HGH1: variants seen among roughly 807,000 people sequenced by gnomAD.
The protein encoded by HGH1 is co-chaperone protein HGH1 homolog.
In HGH1, 31 loss-of-function variants were observed where a neutral mutation model predicts 31.7. The ratio of observed to expected loss-of-function variants is 0.98; its 90% CI spans 0.73 to 1.32. The LOEUF is 1.32. Ranked by LOEUF, HGH1 falls within the 40% of genes most tolerant of loss-of-function variation. The probability of loss-of-function intolerance (pLI) is 0.00; values close to 1 mark genes in which losing one functional copy is unlikely to be tolerated. For synonymous variants in HGH1, 284 were observed against 293.6 expected (o/e 0.97, Z 0.34); for missense variants, 618 against 594.4 (o/e 1.04, Z -0.41).
Position 144,137,890 on chromosome 8 carries a change from G to A in HGH1, c.55G>A (p.Glu19Lys). The A allele has an allele frequency of 2.3e-6, 3 of 1,306,652 alleles. No homozygotes were observed. The highest frequency in any genetic ancestry group is 2.9e-6 in the Non-Finnish European group (3 of 1,031,724). The allele number at this position is 1,306,652 out of a possible 1,614,324, so 80.9% of individuals were successfully genotyped here. The change falls in exon 1 of 6, where the codon GAG becomes AAG. Residue 19 changes from glutamate (E) to lysine (K), a missense_variant. By Grantham distance (56) the Glu-to-Lys change is moderately conservative (BLOSUM62 1). Coordinates refer to ENST00000347708, the MANE Select transcript of HGH1 (RefSeq NM_016458.4). ...GASGGPEASP[E>K]AEVVKLLPFL... ...CTCGGGAGGGCCGGAGGCAAGCCCG[G>A]AGGCAGAGGTGGTGAAGCTGCTGCC... is the stretch of plus-strand genomic sequence containing the variant.
chr8:144,138,039 G>A lies in HGH1; in HGVS notation c.204G>A (p.Leu68=). The A allele has an allele frequency of 7.7e-7, 1 of 1,305,482 alleles. No individual in the cohort carries two copies. Among genetic ancestry groups the A allele is most frequent in the Non-Finnish European group, 9.8e-7 (1 of 1,025,306 alleles). 80.9% of individuals were successfully genotyped at this position (1,305,482 alleles called of 1,614,324 possible). A position where few individuals can be genotyped will look rare whatever the true frequency, so the allele number is the denominator to read the frequency against. The stretch of plus-strand genomic sequence containing the variant: ...GGCAGGCGGCGCTGCTGCAGGCGCT[G>A]ATGGAGCTGGCGCCGGCCTCTGCCC... ...LAGQAALLQA[L]MELAPASAPA... The change falls in exon 1 of 6, where the codon CTG becomes CTA. Residue 68 remains leucine (L), a synonymous_variant. Coordinates refer to ENST00000347708, the MANE Select transcript of HGH1 (RefSeq NM_016458.4).
chr8:144,139,365 C>T, intron 5 of HGH1, 23 bp from the exon 6 acceptor site: 3 of 1,613,862 alleles, frequency 1.9e-6, no homozygotes, highest in Non-Finnish European at 2.5e-6. Flanking sequence ...TGGCCAGCTG[C>T]TCACCTGCTT....
In HGH1 at chr8:144,138,734, T is replaced by C. The variant is rs772092830; in HGVS notation, c.714T>C (p.Leu238=). Residue 238 remains leucine (L), a synonymous_variant, in exon 3 of 6, where the codon CTT becomes CTC. Transcript: ENST00000347708. The part of the protein sequence containing the change: ...CFEHRHHEWL[L]GPEVDILPFL... The stretch of plus-strand genomic sequence containing the variant: ...CCTCAGGACATCACGAGTGGTTGCT[T>C]GGACCTGAGGTGGACATTCTCCCCT... The C allele has an allele frequency of 5.2e-5, 84 of 1,613,810 alleles. No homozygotes were observed. The highest frequency in any genetic ancestry group is 6.4e-5 in the Non-Finnish European group (76 of 1,179,862).
chr8:144,138,141 C>T lies in HGH1; in HGVS notation c.306C>T (p.Asp102=). The change falls in exon 1 of 6, where the codon GAC becomes GAT. Residue 102 remains aspartate, a synonymous_variant. Transcript: ENST00000347708. ...TGCACGAGACATTGCTGGCGGCCGA[C>T]CCCGGGCTGCCAGCGCGCCTGATGG... ...PGLHETLLAA[D]PGLPARLMGR... 2 of 1,305,876 alleles carry T rather than the reference C, an allele frequency of 1.5e-6. No homozygotes were observed. The highest frequency in any genetic ancestry group is 1.9e-6 in the Non-Finnish European group (2 of 1,029,676). The allele number at this position is 1,305,876 out of a possible 1,614,324, so 80.9% of individuals were successfully genotyped here.
At position 144,139,183 on chromosome 8, in the gene HGH1, C is replaced by T; in HGVS notation, c.886-6C>T. The stretch of plus-strand genomic sequence containing the variant: ...GACATCTGGGTAACCTCTTCCACCT[C>T]CTCAGCTGACAGCCACAGCACCAGG... On this transcript the variant is annotated splice_polypyrimidine_tract_variant and splice_region_variant and intron_variant, in intron 4 of 5. Transcript: ENST00000347708. 6.2e-7 allele frequency: 1 copy of T among 1,614,004 alleles called. No individual in the cohort carries two copies.
chr8:144,138,681 C>A (rs1815135144), intron 2 of HGH1, 34 bp from the exon 3 acceptor site: 7 of 1,612,796 alleles, frequency 4.3e-6, no homozygotes, highest in Non-Finnish European at 1.7e-6. Context: ...GGACCAGTTT[C>A]CATTCCCGTC....
At position 144,139,214 on chromosome 8, in the gene HGH1, A is replaced by G. The variant is rs1587642265; in HGVS notation, c.911A>G (p.Gln304Arg). ...CTGACAGCCACAGCACCAGGTCGGC[A>G]GCAGGTGCGGGACCAGGGAGCCTAC... is the stretch of plus-strand genomic sequence containing the variant. ...MLLTATAPGRQQVRDQGAYLI... is the reference protein window; with the variant it reads ...MLLTATAPGRRQVRDQGAYLI... Residue 304 changes from glutamine to arginine, a missense_variant, in exon 5 of 6, where the codon CAG becomes CGG. Gln to Arg is a conservative substitution (Grantham distance 43). Coordinates refer to ENST00000347708, the MANE Select transcript of HGH1 (RefSeq NM_016458.4). 6.2e-7 allele frequency: 1 copy of G among 1,614,002 alleles called. No individual in the cohort carries two copies. Among genetic ancestry groups the G allele is most frequent in the Non-Finnish European group, 8.5e-7 (1 of 1,179,864 alleles).
rs1815121737 is a variant in HGH1, at chr8:144,138,150, G to A, written c.315G>A (p.Leu105=). Residue 105 remains leucine, a synonymous_variant, in exon 1 of 6, where the codon CTG becomes CTA. Coordinates refer to ENST00000347708, the MANE Select transcript of HGH1 (RefSeq NM_016458.4). Reference sequence around the variant, plus strand: ...CATTGCTGGCGGCCGACCCCGGGCTGCCAGCGCGCCTGATGGGCCGCGCGT... The same window carrying A: ...CATTGCTGGCGGCCGACCCCGGGCTACCAGCGCGCCTGATGGGCCGCGCGT... ...HETLLAADPG[L]PARLMGRALD... The A allele has an allele frequency of 7.7e-7, 1 of 1,304,864 alleles. No homozygotes were observed. The allele number at this position is 1,304,864 out of a possible 1,614,324, so 80.8% of individuals were successfully genotyped here.
Position 144,137,775 on chromosome 8 carries a change from C to CACAGCGG in HGH1, c.-58_-52dup. The CACAGCGG allele has an allele frequency of 8.4e-7, 1 of 1,183,664 alleles. No individual in the cohort carries two copies. 73.3% of individuals were successfully genotyped at this position (1,183,664 alleles called of 1,614,324 possible). On this transcript the variant is annotated 5_prime_UTR_variant, in exon 1 of 6. Coordinates refer to ENST00000347708, the MANE Select transcript of HGH1 (RefSeq NM_016458.4). ...CTCTGGTGGGCGGGGTTGCGGGCCA[C>CACAGCGG]ACAGCGGACCCCTAAGCGGACCGCT...
Position 144,138,352 on chromosome 8 carries a change from C to T in HGH1, c.517C>T (p.Leu173=). Residue 173 remains leucine, a synonymous_variant, in exon 1 of 6, where the codon CTG becomes TTG. Transcript: ENST00000347708. ...CTPGYNARAP[L]HYLAPLLSNL... Reference sequence around the variant, plus strand: ...GCCCGGCTACAACGCCCGCGCGCCCCTGCACTACCTAGCGCCGCTGCTCTC... The same window carrying T: ...GCCCGGCTACAACGCCCGCGCGCCCTTGCACTACCTAGCGCCGCTGCTCTC... 1 of 1,565,690 alleles carries T rather than the reference C, an allele frequency of 6.4e-7. No homozygotes were observed. The highest frequency in any genetic ancestry group is 8.6e-7 in the Non-Finnish European group (1 of 1,165,608).
In HGH1 at chr8:144,138,738, C is replaced by T. The variant is rs1011025095; in HGVS notation, c.718C>T (p.Pro240Ser). The T allele has an allele frequency of 1.2e-6, 2 of 1,613,916 alleles. No individual in the cohort carries two copies. The highest frequency in any genetic ancestry group is 1.7e-6 in the Non-Finnish European group (2 of 1,179,856). The change falls in exon 3 of 6, where the codon CCT becomes TCT. Residue 240 changes from proline to serine, a missense_variant. Coordinates refer to ENST00000347708, the MANE Select transcript of HGH1 (RefSeq NM_016458.4). ...EHRHHEWLLG[P>S]EVDILPFLLL... Reference sequence around the variant, plus strand: ...AGGACATCACGAGTGGTTGCTTGGACCTGAGGTGGACATTCTCCCCTTTTT... The same window carrying T: ...AGGACATCACGAGTGGTTGCTTGGATCTGAGGTGGACATTCTCCCCTTTTT...
chr8:144,138,347 C>T lies in HGH1; in HGVS notation c.512C>T (p.Ala171Val), dbSNP rs1292257070. 1 of 1,559,068 alleles carries T rather than the reference C, an allele frequency of 6.4e-7. No individual in the cohort carries two copies. The highest frequency in any genetic ancestry group is 8.6e-7 in the Non-Finnish European group (1 of 1,162,084). ...ALCTPGYNARAPLHYLAPLLS... is the reference protein window; with the variant it reads ...ALCTPGYNARVPLHYLAPLLS... Reference sequence around the variant, plus strand: ...TGCACGCCCGGCTACAACGCCCGCGCGCCCCTGCACTACCTAGCGCCGCTG... The same window carrying T: ...TGCACGCCCGGCTACAACGCCCGCGTGCCCCTGCACTACCTAGCGCCGCTG... The change falls in exon 1 of 6, where the codon GCG (alanine) becomes GTG (valine). Residue 171 changes from alanine (A) to valine (V), a missense_variant. Physicochemically the swap from Ala to Val is moderately conservative, Grantham distance 64 (BLOSUM62 0). Coordinates refer to ENST00000347708, the MANE Select transcript of HGH1 (RefSeq NM_016458.4).
rs1815166831 is a variant in HGH1, at chr8:144,140,053, A to C, written c.*501A>C. ...CTGGCCTCAAAGGGCTGACCCAGCC[A>C]TACGTAGATCCTGGGGTCTTTCTAG... On this transcript the variant is annotated 3_prime_UTR_variant, in exon 6 of 6. Transcript: ENST00000347708. 1 of 225,142 alleles carries C rather than the reference A, an allele frequency of 4.4e-6. No individual in the cohort carries two copies. 13.9% of individuals were successfully genotyped at this position (225,142 alleles called of 1,614,324 possible). A position where few individuals can be genotyped will look rare whatever the true frequency, so the allele number is the denominator to read the frequency against.
rs1180534575 is a variant in HGH1 at position 144,138,107 on chromosome 8, A to C, written c.272A>C (p.Asp91Ala). The part of the protein sequence containing the change: ...AARALVNLAA[D>A]PGLHETLLAA... ...CGCGCGCTCGTGAACTTGGCCGCCG[A>C]CCCCGGCCTGCACGAGACATTGCTG... is the stretch of plus-strand genomic sequence containing the variant. The change falls in exon 1 of 6, where the codon GAC becomes GCC. Residue 91 changes from aspartate (D) to alanine (A), a missense_variant. Coordinates refer to ENST00000347708, the MANE Select transcript of HGH1 (RefSeq NM_016458.4). 1.6e-5 allele frequency: 21 copies of C among 1,329,732 alleles called. No individual in the cohort carries two copies. The highest frequency in any genetic ancestry group is 3.2e-5 in the Admixed American group (1 of 30,888). The allele number at this position is 1,329,732 out of a possible 1,614,324, so 82.4% of individuals were successfully genotyped here. A position where few individuals can be genotyped will look rare whatever the true frequency, so the allele number is the denominator to read the frequency against.
In HGH1 at chr8:144,138,022, G is replaced by A. The variant is rs1815119211; in HGVS notation, c.187G>A (p.Ala63Thr). ...CCGCGCGCTGTTGGCGGGGCAGGCG[G>A]CGCTGCTGCAGGCGCTGATGGAGCT... ...PGRALLAGQA[A>T]LLQALMELAP... is the part of the protein sequence containing the mutation. Residue 63 changes from alanine to threonine, a missense_variant, in exon 1 of 6, where the codon GCG (alanine) becomes ACG (threonine). Ala to Thr is a moderately conservative substitution (Grantham distance 58). Transcript: ENST00000347708. The A allele has an allele frequency of 4.6e-6, 6 of 1,309,090 alleles. No homozygotes were observed. The highest frequency in any genetic ancestry group is 9.7e-7 in the Non-Finnish European group (1 of 1,027,626). The allele number at this position is 1,309,090 out of a possible 1,614,324, so 81.1% of individuals were successfully genotyped here.
rs7821441 is a variant in HGH1, at chr8:144,139,927, C to A, written c.*375C>A. On this transcript the variant is annotated 3_prime_UTR_variant, in exon 6 of 6. Coordinates refer to ENST00000347708, the MANE Select transcript of HGH1 (RefSeq NM_016458.4). Reference sequence around the variant, plus strand: ...AGGAGCCAGCTGAAGCCTCCCAATCCCCAGGGCACTGCAGAGTCTGGGCAG... The same window carrying A: ...AGGAGCCAGCTGAAGCCTCCCAATCACCAGGGCACTGCAGAGTCTGGGCAG... The A allele has an allele frequency of 0.039, 15,285 of 396,084 alleles. 2,040 individuals carry two copies. The highest frequency in any genetic ancestry group is 0.28 in the African/African-American group (13,841 of 48,844). 24.5% of individuals were successfully genotyped at this position (396,084 alleles called of 1,614,324 possible). A position where few individuals can be genotyped will look rare whatever the true frequency, so the allele number is the denominator to read the frequency against.
chr8:144,137,962 C>G lies in HGH1; in HGVS notation c.127C>G (p.Arg43Gly). ...GGCGGACCTGCAGGCGGCGGCGGTG[C>G]GGCACGTGCTGGCGCTGACTGGCTG... ...ARADLQAAAV[R>G]HVLALTGCGP... Residue 43 changes from arginine (R) to glycine (G), a missense_variant, in exon 1 of 6, where the codon CGG becomes GGG. By Grantham distance (125) the Arg-to-Gly change is moderately radical (BLOSUM62 -2). Transcript: ENST00000347708. The G allele has an allele frequency of 7.5e-7, 1 of 1,334,048 alleles. No individual in the cohort carries two copies. Among genetic ancestry groups the G allele is most frequent in the Non-Finnish European group, 9.6e-7 (1 of 1,044,974 alleles). 82.6% of individuals were successfully genotyped at this position (1,334,048 alleles called of 1,614,324 possible).
Position 144,137,828 on chromosome 8 carries a change from C to T in HGH1, c.-8C>T, listed in dbSNP as rs1356400108. 5 of 1,265,154 alleles carry T rather than the reference C, an allele frequency of 4.0e-6. No individual in the cohort carries two copies. The highest frequency in any genetic ancestry group is 2.8e-5 in the South Asian group (1 of 35,652). The allele number at this position is 1,265,154 out of a possible 1,614,324, so 78.4% of individuals were successfully genotyped here. On this transcript the variant is annotated 5_prime_UTR_variant, in exon 1 of 6. Transcript: ENST00000347708. Reference sequence around the variant, plus strand: ...CACCGGTCGGGTGGCAGCAGAGTGTCGCTCGACATGGGGGAGGCCGGGGCT... The same window carrying T: ...CACCGGTCGGGTGGCAGCAGAGTGTTGCTCGACATGGGGGAGGCCGGGGCT...
In HGH1 at chr8:144,139,554, G is replaced by A; in HGVS notation, c.*2G>A. 6.4e-7 allele frequency: 1 copy of A among 1,550,890 alleles called. No homozygotes were observed. Among genetic ancestry groups the A allele is most frequent in the Non-Finnish European group, 8.7e-7 (1 of 1,147,522 alleles). ...GTGGAGAGGGCCACACCCACCTGAG[G>A]CCCCTGCAGCCGGACACCAGCTCCA... On this transcript the variant is annotated 3_prime_UTR_variant, in exon 6 of 6. Transcript: ENST00000347708.
Sources: gnomAD v4.1 joint callset for allele counts on GRCh38, gnomAD v4.1.1 for gene constraint, MANE v1.5 for transcripts, NCBI Gene and HGNC (gene_info 2026-07-23, HGNC 2026-07-21) for gene names.